Variants in FGF14 observed in about 807,000 individuals in gnomAD.
FGF14 encodes fibroblast growth factor homologous factor 4.
Under a neutral mutation model 25.5 loss-of-function variants are expected in FGF14, and 5 were observed. The ratio of observed to expected loss-of-function variants is 0.20; its 90% CI spans 0.10 to 0.41. The LOEUF (loss-of-function observed/expected upper bound fraction) is 0.41, where lower values mean the gene tolerates loss of function less well. Among genes scored for constraint, FGF14 ranks in the 10% least tolerant of loss-of-function variants. The pLI, the probability that FGF14 is intolerant of heterozygous loss-of-function variation, is 1.00. For synonymous variants in FGF14, 138 were observed against 118.3 expected (o/e 1.17, Z -1.08); for missense variants, 222 against 320.1 (o/e 0.69, Z 2.34).
intron 3 of FGF14, among the ~76,000 whole-genome samples, chr13:101,759,534 G>A (rs1253510724): frequency 2.0e-5 from 3 of 152,100 alleles, no homozygotes; most frequent in Admixed American, 6.6e-5. Flanking sequence ...TTACCCTTCC[G>A]ACCCATTGTT....
At position 101,972,667 on chromosome 13, in the gene FGF14, G is replaced by T. The variant is rs201635603; in HGVS notation, c.209-97371C>A. ...ATTCTTTCTTTTAAAGTTGTATTTT[G>T]TCTTTTTTTTTCTCCCTTTTTGTGG... On this transcript the variant is annotated intron_variant, in intron 1 of 4. Coordinates refer to the FGF14 transcript ENST00000376131. Among the ~76,000 whole-genome samples the T allele has an allele frequency of 3.1e-5, 4 of 130,464 alleles. No individual in the cohort carries two copies. The East Asian group carries it at 1.1e-3, about 37-fold the overall frequency. 85.6% of individuals were successfully genotyped at this position (130,464 alleles called of 152,430 possible). A position where few individuals can be genotyped will look rare whatever the true frequency, so the allele number is the denominator to read the frequency against.
At chr13:101,876,314 C>G (rs977030023) in intron 1 of FGF14, among the ~76,000 whole-genome samples, 3 of 152,180 alleles carry the variant, frequency 2.0e-5, no homozygotes, top group African/African-American at 7.2e-5. Context: ...ACTGGCATCT[C>G]TCCACAACAG....
At chr13:102,383,394 C>T (rs2058231201) in intron 1 of FGF14, among the ~76,000 whole-genome samples, 1 of 152,150 alleles carries the variant, frequency 6.6e-6, no homozygotes, top group African/African-American at 2.4e-5. Context: ...TGTCAATCAG[C>T]TTTGTTGGAC....
At chr13:102,199,341 T>A (rs570002770) in intron 1 of FGF14, among the ~76,000 whole-genome samples, 110 of 152,330 alleles carry the variant, frequency 7.2e-4, no homozygotes, top group African/African-American at 2.6e-3. Flanking sequence ...TTACCTCTAA[T>A]ACTAGGATAA....
chr13:101,743,297 T>C (rs1233910200), intron 3 of FGF14, among the ~76,000 whole-genome samples: 1 of 152,246 alleles, frequency 6.6e-6, no homozygotes, highest in Admixed American at 6.5e-5. Flanking sequence ...TGTAATACTG[T>C]CTGGCAGAAT....
intron 1 of FGF14, among the ~76,000 whole-genome samples, chr13:102,174,425 C>T (rs2048365065): frequency 6.6e-6 from 1 of 151,946 alleles, no homozygotes; most frequent in Admixed American, 6.6e-5. Context: ...CTCAGCCTCC[C>T]AAAGTGCTGG....
intron 1 of FGF14, among the ~76,000 whole-genome samples, chr13:102,244,121 A>G (rs992883591): frequency 6.6e-6 from 1 of 152,114 alleles, no homozygotes; most frequent in African/African-American, 2.4e-5. Flanking sequence ...AGAGTACTAC[A>G]AACGCGGTCT....
intron 1 of FGF14, among the ~76,000 whole-genome samples, chr13:102,332,933 C>A (rs934098604): frequency 1.3e-5 from 2 of 152,006 alleles, no homozygotes; most frequent in African/African-American, 4.8e-5. Flanking sequence ...ATTTTTTATT[C>A]CTTGATGTGA....
intron 3 of FGF14, among the ~76,000 whole-genome samples, chr13:101,831,808 A>G (rs2042682993): frequency 6.6e-6 from 1 of 152,112 alleles, no homozygotes; most frequent in African/African-American, 2.4e-5. Context: ...TCAAATAGGC[A>G]CAACTGTTCT....
intron 3 of FGF14, among the ~76,000 whole-genome samples, chr13:101,771,318 A>G (rs1265692835): frequency 6.6e-6 from 1 of 152,062 alleles, no homozygotes; most frequent in African/African-American, 2.4e-5. Flanking sequence ...ACACATGATG[A>G]AAGGTTAATT....
chr13:102,030,049 T>G (rs1171111883), intron 1 of FGF14, among the ~76,000 whole-genome samples: 1 of 152,102 alleles, frequency 6.6e-6, no homozygotes, highest in East Asian at 1.9e-4. Context: ...AAGTATTATG[T>G]GTCAAGTATA....
chr13:101,929,779 G>A (rs922721266), intron 1 of FGF14, among the ~76,000 whole-genome samples: 1 of 152,182 alleles, frequency 6.6e-6, no homozygotes, highest in African/African-American at 2.4e-5. Flanking sequence ...ACATAAAATA[G>A]ACTGAAGTAT....
At chr13:101,929,193 T>C (rs2034576817) in intron 1 of FGF14, among the ~76,000 whole-genome samples, 1 of 152,176 alleles carries the variant, frequency 6.6e-6, no homozygotes, top group Non-Finnish European at 1.5e-5. Context: ...TCTCAGATGC[T>C]GGGTGTGAAG....
chr13:101,777,334 T>C (rs2039188749), intron 3 of FGF14, among the ~76,000 whole-genome samples: 1 of 152,204 alleles, frequency 6.6e-6, no homozygotes, highest in Non-Finnish European at 1.5e-5. Context: ...ATTCTGTCAC[T>C]AGTGAGTAAC....
At chr13:101,899,372 T>C (rs1362777908) in intron 1 of FGF14, among the ~76,000 whole-genome samples, 1 of 151,850 alleles carries the variant, frequency 6.6e-6, no homozygotes, top group Admixed American at 6.6e-5. Flanking sequence ...AAAATAACTA[T>C]AATTAATATA....
chr13:102,321,411 C>A (rs865826825), intron 1 of FGF14, among the ~76,000 whole-genome samples: 2 of 152,002 alleles, frequency 1.3e-5, no homozygotes, highest in Non-Finnish European at 1.5e-5. Flanking sequence ...AAGTATTTAA[C>A]AATGCAACAT....
intron 1 of FGF14, among the ~76,000 whole-genome samples, chr13:101,984,811 T>G (rs1254613604): frequency 2.0e-5 from 3 of 152,112 alleles, no homozygotes; most frequent in African/African-American, 7.2e-5. Flanking sequence ...GTGATATTTG[T>G]GGGGACACAG....
chr13:101,959,221 G>A (rs997961022), intron 1 of FGF14, among the ~76,000 whole-genome samples: 1 of 152,034 alleles, frequency 6.6e-6, no homozygotes, highest in African/African-American at 2.4e-5. Flanking sequence ...GTGGAGCTCC[G>A]GCGGTCATGC....
chr13:102,003,973 C>T (rs1478229703), intron 1 of FGF14, among the ~76,000 whole-genome samples: 1 of 152,120 alleles, frequency 6.6e-6, no homozygotes, highest in Non-Finnish European at 1.5e-5. Flanking sequence ...CAAATGTCCC[C>T]TCTTGCTTTC....
Sources: gnomAD v4.1 joint callset for allele counts (sites outside exome capture counted in the v4.1 genomes callset) on GRCh38, gnomAD v4.1.1 for gene constraint, MANE v1.5 for transcripts, NCBI Gene and HGNC (gene_info 2026-07-23, HGNC 2026-07-21) for gene names.